The following GAS2 variants were observed in gnomAD, a reference collection of about 807,000 sequenced individuals.
The protein encoded by GAS2 is growth arrest specific 2, also known as growth arrest-specific protein 2.
GAS2 carries 20 observed loss-of-function variants against 37.5 expected under a neutral mutation model. The ratio of observed to expected loss-of-function variants is 0.53; its 90% CI spans 0.37 to 0.77. The LOEUF (loss-of-function observed/expected upper bound fraction) is 0.77. Ranked by LOEUF, GAS2 falls within the 30% of genes least tolerant of loss-of-function variation. The pLI is 0.00. For missense variants in GAS2, 336 were observed against 373.4 expected, an observed-to-expected ratio of 0.90 and a Z score of 0.82; for synonymous variants, 144 against 132.2, an observed-to-expected ratio of 1.09 and a Z score of -0.61.
At chr11:22,726,210 ATT>A in intron 3 of GAS2, 80 bp from the exon 4 acceptor site, 2 of 1,407,490 alleles carry the variant, frequency 1.4e-6, no homozygotes, top group Non-Finnish European at 1.9e-6. Flanking sequence ...ATTCCGAAGC[ATT>A]TTGTTGAAAA....
At chr11:22,747,373 G>A (rs1853465367) in intron 5 of GAS2, among the ~76,000 whole-genome samples, 2 of 152,048 alleles carry the variant, frequency 1.3e-5, no homozygotes, top group African/African-American at 2.4e-5. Flanking sequence ...ATGTACAACA[G>A]ATTAGAAATA....
intron 3 of GAS2, among the ~76,000 whole-genome samples, chr11:22,693,380 A>G (rs1045894458): frequency 6.6e-6 from 1 of 152,208 alleles, no homozygotes; most frequent in African/African-American, 2.4e-5. Context: ...CTGATTAAAT[A>G]TGTTACTTCA....
At chr11:22,798,987 A>G (rs1385919306) in intron 7 of GAS2, among the ~76,000 whole-genome samples, 1 of 152,124 alleles carries the variant, frequency 6.6e-6, no homozygotes, top group African/African-American at 2.4e-5. Flanking sequence ...TCTGGAGAGC[A>G]GATGACTGCA....
At chr11:22,657,815 A>C (rs961377880) in intron 1 of GAS2, among the ~76,000 whole-genome samples, 1 of 152,140 alleles carries the variant, frequency 6.6e-6, no homozygotes, top group African/African-American at 2.4e-5. Flanking sequence ...ACAATCATAT[A>C]TTACTTTTAA....
chr11:22,798,694 C>T lies in GAS2; in HGVS notation c.724-13104C>T, dbSNP rs144700716. 3.3e-5 allele frequency among the ~76,000 whole-genome samples: 5 copies of T among 152,024 alleles called. No individual in the cohort carries two copies. The East Asian group carries it at 5.8e-4, about 18-fold the overall frequency. ...TAACTAGAGAAGTTGAAATGAATTC[C>T]CCACCTTTGGCAAGGACGTCTTTAA... On this transcript the variant is annotated intron_variant, in intron 7 of 7. Coordinates refer to ENST00000454584, the MANE Select transcript of GAS2 (RefSeq NM_001143830.3).
intron 3 of GAS2, among the ~76,000 whole-genome samples, chr11:22,701,511 G>C (rs1850839574): frequency 6.6e-6 from 1 of 152,030 alleles, no homozygotes; most frequent in African/African-American, 2.4e-5. Context: ...TATATAGCTT[G>C]TGAGATCAAG....
intron 7 of GAS2, among the ~76,000 whole-genome samples, chr11:22,779,685 G>A (rs1252717539): frequency 1.4e-5 from 2 of 146,944 alleles, no homozygotes; most frequent in East Asian, 4.1e-4. Flanking sequence ...GCAACAAAGA[G>A]TGAAACTCCG....
chr11:22,638,715 A>T (rs1325280169), intron 1 of GAS2, among the ~76,000 whole-genome samples: 1 of 152,144 alleles, frequency 6.6e-6, no homozygotes, highest in Non-Finnish European at 1.5e-5. Context: ...AAAACAAGTT[A>T]TTCTGATGTT....
In GAS2 at chr11:22,674,898, G is replaced by A. The variant is rs752890533; in HGVS notation, c.29G>A (p.Arg10His). MCTALSPKVRSGPGLSDMHQ... is the reference protein window; with the variant it reads MCTALSPKVHSGPGLSDMHQ... The stretch of plus-strand genomic sequence containing the variant: ...TGCACTGCTCTGAGCCCAAAGGTAC[G>A]CAGTGGACCTGGCCTCTCTGATATG... Residue 10 changes from arginine to histidine, a missense_variant, in exon 2 of 8, where the codon CGC (arginine) becomes CAC (histidine). By Grantham distance (29) the Arg-to-His change is conservative. Transcript: ENST00000454584. The A allele has an allele frequency of 1.6e-5, 26 of 1,612,520 alleles. No individual in the cohort carries two copies. The highest frequency in any genetic ancestry group is 6.7e-5 in the African/African-American group (5 of 74,864).
rs141245719 is a variant in GAS2 at position 22,708,609 on chromosome 11, C to T, written c.268-17683C>T. Among the ~76,000 whole-genome samples, 469 of 152,138 alleles carry T rather than the reference C, an allele frequency of 3.1e-3. 5 individuals carry two copies. The highest frequency in any genetic ancestry group is 0.011 in the African/African-American group (446 of 41,488). ...CTTATGACCACTCCATTCTGCTGCC[C>T]GTGACTATATATGGAATATATGCCT... On this transcript the variant is annotated intron_variant, in intron 3 of 7. Coordinates refer to ENST00000454584, the MANE Select transcript of GAS2 (RefSeq NM_001143830.3).
At position 22,689,903 on chromosome 11, in the gene GAS2, C is replaced by T. The variant is rs919731380; in HGVS notation, c.267+4114C>T. On this transcript the variant is annotated intron_variant, in intron 3 of 7. Coordinates refer to ENST00000454584, the MANE Select transcript of GAS2 (RefSeq NM_001143830.3). ...TTTTGGAGTTCAGAAAAAATGGTGG[C>T]GAAAATGGATGAATTAGTCAATACA... is the stretch of plus-strand genomic sequence containing the variant. 3.9e-5 allele frequency among the ~76,000 whole-genome samples: 6 copies of T among 152,092 alleles called. No homozygotes were observed. The South Asian group carries it at 6.2e-4, about 16-fold the overall frequency.
intron 3 of GAS2, among the ~76,000 whole-genome samples, chr11:22,722,014 G>A (rs1026462429): frequency 9.2e-5 from 14 of 151,820 alleles, no homozygotes; most frequent in African/African-American, 3.4e-4. Flanking sequence ...TATGAACATC[G>A]TATAGCAGAG....
chr11:22,640,126 G>A (rs1048391751), intron 1 of GAS2, among the ~76,000 whole-genome samples: 7 of 152,134 alleles, frequency 4.6e-5, no homozygotes, highest in Admixed American at 2.6e-4. Flanking sequence ...AGTGGAGGAG[G>A]AATTAAAAGA....
intron 7 of GAS2, among the ~76,000 whole-genome samples, chr11:22,760,365 G>A (rs1421367302): frequency 6.6e-6 from 1 of 152,112 alleles, no homozygotes; most frequent in Non-Finnish European, 1.5e-5. Context: ...AATTCTTGGG[G>A]CTTCCCCAAG....
At chr11:22,787,630 T>C (rs1416761801) in intron 7 of GAS2, among the ~76,000 whole-genome samples, 1 of 152,122 alleles carries the variant, frequency 6.6e-6, no homozygotes, top group Non-Finnish European at 1.5e-5. Context: ...TTTAGCCCAG[T>C]AAAATACATT....
At chr11:22,752,080 A>G (rs1211310856) in intron 6 of GAS2, among the ~76,000 whole-genome samples, 1 of 152,040 alleles carries the variant, frequency 6.6e-6, no homozygotes, top group Non-Finnish European at 1.5e-5. Context: ...ACAAGTCTTT[A>G]AAATGGCATT....
chr11:22,655,076 C>T (rs913164267), intron 1 of GAS2, among the ~76,000 whole-genome samples: 3 of 152,184 alleles, frequency 2.0e-5, no homozygotes, highest in African/African-American at 7.2e-5. Context: ...CTCTCTCTCT[C>T]CCTACTGCCC....
chr11:22,681,694 A>G (rs564083329), intron 2 of GAS2, among the ~76,000 whole-genome samples: 1 of 152,296 alleles, frequency 6.6e-6, no homozygotes, highest in South Asian at 2.1e-4. Context: ...CAGGTGCACA[A>G]TTTAAACTAA....
chr11:22,662,031 C>T (rs966150436), upstream of GAS2, among the ~76,000 whole-genome samples: 3 of 152,102 alleles, frequency 2.0e-5, no homozygotes, highest in Admixed American at 2.0e-4. Flanking sequence ...TTATTTGTGT[C>T]TAAGTGTTCT....
Sources: allele counts gnomAD v4.1 joint callset (sites outside exome capture counted in the v4.1 genomes callset), GRCh38; gene constraint gnomAD v4.1.1; transcripts MANE v1.5; gene names NCBI Gene and HGNC (gene_info 2026-07-23, HGNC 2026-07-21).